TESK2: variants seen among roughly 807,000 people sequenced by gnomAD.
TESK2 encodes testis associated actin remodelling kinase 2.
In TESK2, 39 loss-of-function variants were observed where a neutral mutation model predicts 57.1. The ratio of observed to expected loss-of-function variants is 0.68; its 90% CI spans 0.53 to 0.89. The LOEUF is 0.89. Ranked by LOEUF, TESK2 falls within the 40% of genes least tolerant of loss-of-function variation. The probability of loss-of-function intolerance (pLI) is 0.00; values close to 1 mark genes in which losing one functional copy is unlikely to be tolerated. For missense variants in TESK2, 646 were observed against 732.1 expected (o/e 0.88, Z 1.36); for synonymous variants, 249 against 267.9 (o/e 0.93, Z 0.69).
chr1:45,346,911 G>A (rs961385954), intron 8 of TESK2, 68 bp downstream of exon 8: 42 of 1,578,406 alleles, frequency 2.7e-5, no homozygotes, highest in Middle Eastern at 1.7e-4. Flanking sequence ...TCCATCCCAG[G>A]GACAGAACAG....
At chr1:45,386,497 G>T (rs1357006530) in intron 3 of TESK2, among the ~76,000 whole-genome samples, 2 of 151,814 alleles carry the variant, frequency 1.3e-5, no homozygotes, top group East Asian at 3.9e-4. Flanking sequence ...ATCTTGTACA[G>T]CCCTGTAGAC....
At chr1:45,383,087 C>T (rs959250058) in intron 4 of TESK2, among the ~76,000 whole-genome samples, 3 of 152,126 alleles carry the variant, frequency 2.0e-5, no homozygotes, top group Admixed American at 2.0e-4. Flanking sequence ...TGCTTGTCTA[C>T]TGTAATTATT....
intron 4 of TESK2, among the ~76,000 whole-genome samples, chr1:45,381,870 T>C (rs1648667788): frequency 6.8e-6 from 1 of 147,326 alleles, no homozygotes; most frequent in Non-Finnish European, 1.5e-5. Flanking sequence ...CTTTTTTTTT[T>C]TTTTTTTTTT....
chr1:45,448,729 T>C (rs1465428324), intron 2 of TESK2, among the ~76,000 whole-genome samples: 1 of 152,190 alleles, frequency 6.6e-6, no homozygotes, highest in Non-Finnish European at 1.5e-5. Flanking sequence ...GGCCCCACCT[T>C]CAACATTGGG....
chr1:45,410,945 G>A (rs1439846389), intron 3 of TESK2, among the ~76,000 whole-genome samples: 2 of 152,040 alleles, frequency 1.3e-5, no homozygotes, highest in East Asian at 3.8e-4. Flanking sequence ...ACTTTGGGAG[G>A]AATTTAGTTT....
At chr1:45,436,361 T>C (rs1011207112) in intron 2 of TESK2, among the ~76,000 whole-genome samples, 5 of 150,606 alleles carry the variant, frequency 3.3e-5, no homozygotes, top group African/African-American at 1.2e-4. Flanking sequence ...ATTTTTGTAT[T>C]TTTAGTAGAG....
Position 45,347,605 on chromosome 1 carries a change from T to G in TESK2, c.708+4A>C, listed in dbSNP as rs1290354245. 1.9e-6 allele frequency: 3 copies of G among 1,613,132 alleles called. No homozygotes were observed. The highest frequency in any genetic ancestry group is 2.5e-6 in the Non-Finnish European group (3 of 1,179,608). ...AATCAGGCCTTGAGATCCTCCAAAC[T>G]TACCTTTTCATTATAGGGCTCATCT... is the stretch of plus-strand genomic sequence containing the variant. On this transcript the variant is annotated splice_donor_region_variant and intron_variant, in intron 7 of 10. Transcript: ENST00000372086.
chr1:45,345,212 G>GGCCAGGGGCTCCTGCCAGTCA lies in TESK2; in HGVS notation c.1323_1343dup (p.Asp442_Ala448dup). 6.2e-7 allele frequency: 1 copy of GGCCAGGGGCTCCTGCCAGTCA among 1,614,202 alleles called. No homozygotes were observed. Among genetic ancestry groups the GGCCAGGGGCTCCTGCCAGTCA allele is most frequent in the African/African-American group, 1.3e-5 (1 of 75,040 alleles). ...AGGAACGCCACCGGCGAATAGGTGGGGCCAGGGGCTCCTGCCAGTCAGCCA... is the reference window on the plus strand; with the variant it reads ...AGGAACGCCACCGGCGAATAGGTGGGGCCAGGGGCTCCTGCCAGTCAGCCAGGGGCTCCTGCCAGTCAGCCA... On this transcript the variant is annotated inframe_insertion, in exon 11 of 11. Transcript: ENST00000372086.
intron 1 of TESK2, among the ~76,000 whole-genome samples, chr1:45,463,568 C>G (rs1247190968): frequency 6.6e-6 from 1 of 151,972 alleles, no homozygotes; most frequent in Non-Finnish European, 1.5e-5. Context: ...TTCCATCAGT[C>G]TGTGTGTCTG....
At chr1:45,413,757 G>C (rs1650127861) in intron 3 of TESK2, 1 of 448,980 alleles carries the variant, frequency 2.2e-6, no homozygotes, top group Non-Finnish European at 4.5e-6. Context: ...CCCATACCCG[G>C]GGCCAGCACC....
At chr1:45,363,633 A>G (rs368071627) in intron 4 of TESK2, among the ~76,000 whole-genome samples, 20 of 152,158 alleles carry the variant, frequency 1.3e-4, no homozygotes, top group African/African-American at 4.6e-4. Flanking sequence ...ATTCCATTTC[A>G]TGGTAACCCA....
chr1:45,474,455 C>T (rs1652902417), intron 1 of TESK2, among the ~76,000 whole-genome samples: 1 of 151,912 alleles, frequency 6.6e-6, no homozygotes, highest in Non-Finnish European at 1.5e-5. Context: ...AGCAAGACCC[C>T]ATCTCTTTTT....
intron 3 of TESK2, among the ~76,000 whole-genome samples, chr1:45,414,517 T>C (rs1040326470): frequency 1.3e-5 from 2 of 152,136 alleles, no homozygotes; most frequent in Non-Finnish European, 2.9e-5. Flanking sequence ...TTTTTTAAGT[T>C]AAGGGGGATG....
chr1:45,368,300 A>G (rs113319800), intron 4 of TESK2, among the ~76,000 whole-genome samples: 7 of 150,384 alleles, frequency 4.7e-5, no homozygotes, highest in African/African-American at 1.5e-4. Flanking sequence ...CGGCCTGACC[A>G]TTGTAATATC....
chr1:45,381,972 G>A (rs1426006503), intron 4 of TESK2, among the ~76,000 whole-genome samples: 3 of 149,106 alleles, frequency 2.0e-5, no homozygotes, highest in South Asian at 2.1e-4. Flanking sequence ...CTGGGCTCAA[G>A]CAATCATCCT....
chr1:45,391,109 G>A (rs1254087867), intron 3 of TESK2, among the ~76,000 whole-genome samples: 1 of 151,472 alleles, frequency 6.6e-6, no homozygotes, highest in Non-Finnish European at 1.5e-5. Context: ...GTAGAGATGG[G>A]GTTTCACTGT....
intron 3 of TESK2, among the ~76,000 whole-genome samples, chr1:45,413,076 T>A (rs952779102): frequency 6.6e-6 from 1 of 152,152 alleles, no homozygotes; most frequent in Non-Finnish European, 1.5e-5. Flanking sequence ...GAGTGGGGCA[T>A]AGAACTGGGT....
At chr1:45,449,753 T>C (rs1170715192) in intron 2 of TESK2, among the ~76,000 whole-genome samples, 1 of 152,234 alleles carries the variant, frequency 6.6e-6, no homozygotes, top group Non-Finnish European at 1.5e-5. Context: ...TTAGAAATGA[T>C]GAAATGTAGT....
intron 1 of TESK2, among the ~76,000 whole-genome samples, chr1:45,485,726 G>C (rs1480374317): frequency 6.8e-6 from 1 of 147,196 alleles, no homozygotes; most frequent in Non-Finnish European, 1.5e-5. Flanking sequence ...TCACCATCTT[G>C]GCCAGGCTGG....
Sources: allele counts gnomAD v4.1 joint callset (sites outside exome capture counted in the v4.1 genomes callset), GRCh38; gene constraint gnomAD v4.1.1; transcripts MANE v1.5; gene names NCBI Gene and HGNC (gene_info 2026-07-23, HGNC 2026-07-21).